Variants in OPRM1 observed in about 807,000 individuals in gnomAD.
The protein encoded by OPRM1 is opioid receptor mu 1.
OPRM1 carries 27 observed loss-of-function variants against 31.8 expected under a neutral mutation model. That is an observed-to-expected ratio of 0.85 (90% CI 0.63 to 1.17). The LOEUF is 1.17. Ranked by LOEUF, OPRM1 falls within the 50% of genes most tolerant of loss-of-function variation. The pLI, the probability that OPRM1 is intolerant of heterozygous loss-of-function variation, is 0.00. For missense variants in OPRM1, 536 were observed against 511.1 expected (o/e 1.05, Z -0.47); for synonymous variants, 196 against 189.9 (o/e 1.03, Z -0.26).
At chr6:154,135,724 C>T (rs750269918), downstream of OPRM1, among the ~76,000 whole-genome samples, 24 of 152,186 alleles carry the variant, frequency 1.6e-4, no homozygotes, top group Non-Finnish European at 2.9e-4. Context: ...CATATAGAAC[C>T]TCTTGGCCTT....
chr6:154,156,306 G>C (rs1446600896), intron 3 of OPRM1: 1 of 152,274 alleles, frequency 6.6e-6, no homozygotes, highest in Admixed American at 6.5e-5. Context: ...CCAGCCGTAT[G>C]CTAAGCCCAG....
intron 3 of OPRM1, among the ~76,000 whole-genome samples, chr6:154,239,735 G>A (rs981268742): frequency 7.9e-5 from 12 of 152,040 alleles, no homozygotes; most frequent in Non-Finnish European, 1.5e-4. Flanking sequence ...ACGCAGTCTC[G>A]CTCTGTCACC....
upstream of OPRM1, among the ~76,000 whole-genome samples, chr6:154,034,337 G>T (rs1009921523): frequency 4.6e-5 from 7 of 152,318 alleles, no homozygotes; most frequent in African/African-American, 1.7e-4. Flanking sequence ...GAGGTCAGGA[G>T]ATCGAGACCA....
intron 3 of OPRM1, among the ~76,000 whole-genome samples, chr6:154,198,980 T>G (rs113191641): frequency 6.6e-6 from 1 of 152,180 alleles, no homozygotes; most frequent in African/African-American, 2.4e-5. Context: ...ACGTCACGAT[T>G]GAACAGTAAT....
At chr6:154,019,412 G>A (rs1778210265) in intron 1 of OPRM1, among the ~76,000 whole-genome samples, 1 of 151,772 alleles carries the variant, frequency 6.6e-6, no homozygotes, top group Non-Finnish European at 1.5e-5. Flanking sequence ...ATCACCCAAA[G>A]TCCATAGTTT....
chr6:154,237,272 T>A (rs562351033), intron 3 of OPRM1, among the ~76,000 whole-genome samples: 6 of 152,356 alleles, frequency 3.9e-5, no homozygotes, highest in Non-Finnish European at 7.3e-5. Flanking sequence ...CATTAACTCA[T>A]GTGTTAACTG....
chr6:154,032,506 C>G (rs80219442), intron 1 of OPRM1, among the ~76,000 whole-genome samples: 4,394 of 152,242 alleles, frequency 0.029, 202 homozygotes, highest in African/African-American at 0.1. Flanking sequence ...CACAATCATA[C>G]CTTACTGAAG....
intron 3 of OPRM1, chr6:154,094,099 A>G (rs1792919039): frequency 3.7e-6 from 2 of 546,206 alleles, no homozygotes; most frequent in Non-Finnish European, 6.2e-6. Flanking sequence ...TGAAGTTTAT[A>G]TTGGTTGTGG....
chr6:154,182,565 A>G (rs1005691696), intron 3 of OPRM1, among the ~76,000 whole-genome samples: 23 of 152,314 alleles, frequency 1.5e-4, no homozygotes, highest in Admixed American at 1.2e-3. Flanking sequence ...TAAAATTACT[A>G]TGTTTCCTCA....
chr6:154,019,155 A>G (rs1289520953), intron 1 of OPRM1, among the ~76,000 whole-genome samples: 1 of 147,334 alleles, frequency 6.8e-6, no homozygotes, highest in Non-Finnish European at 1.5e-5. Context: ...CACTTAAATT[A>G]TGATTGACTG....
intron 1 of OPRM1, among the ~76,000 whole-genome samples, chr6:154,029,056 A>G (rs1778862359): frequency 1.3e-5 from 2 of 152,136 alleles, no homozygotes; most frequent in Non-Finnish European, 2.9e-5. Context: ...CCAGAAATCC[A>G]ATATTATTAT....
intron 1 of OPRM1, among the ~76,000 whole-genome samples, chr6:154,027,325 A>T (rs1181093522): frequency 6.7e-6 from 1 of 149,116 alleles, no homozygotes; most frequent in African/African-American, 2.5e-5. Context: ...TCTCCAAAAC[A>T]AATGGAGCCT....
intron 1 of OPRM1, among the ~76,000 whole-genome samples, chr6:154,020,526 C>A (rs1401898304): frequency 6.6e-6 from 1 of 152,182 alleles, no homozygotes; most frequent in Non-Finnish European, 1.5e-5. Context: ...CATTTACTTA[C>A]ATTTGTAAAG....
chr6:154,013,034 T>TGGGG (rs546381876), intron 1 of OPRM1, among the ~76,000 whole-genome samples: 11 of 152,104 alleles, frequency 7.2e-5, no homozygotes, highest in African/African-American at 2.7e-4. Context: ...TTGGCAGGGC[T>TGGGG]GGGGGGGTAC....
chr6:154,068,385 C>T (rs1002031033), intron 1 of OPRM1, among the ~76,000 whole-genome samples: 2 of 152,082 alleles, frequency 1.3e-5, no homozygotes, highest in African/African-American at 4.8e-5. Context: ...CCTAACCACC[C>T]CAGCCTCCAT....
In OPRM1 at chr6:154,126,025, A is replaced by C. The variant is rs1797569265; in HGVS notation, c.*7304A>C. Among the ~76,000 whole-genome samples, 1 of 5,700 alleles carries C rather than the reference A, an allele frequency of 1.8e-4. No individual in the cohort carries two copies. Among genetic ancestry groups the C allele is most frequent in the African/African-American group, 2.3e-4 (1 of 4,268 alleles). The allele number at this position is 5,700 out of a possible 152,430, so 3.7% of individuals were successfully genotyped here. The stretch of plus-strand genomic sequence containing the variant: ...CACCGTTTTAGCCGGGATGATCTCG[A>C]TCTCCTGACCTCGTGATCCGCCCGC... On this transcript the variant is annotated 3_prime_UTR_variant, in exon 4 of 4. Transcript: ENST00000330432.
At position 154,130,662 on chromosome 6, in the gene OPRM1, C is replaced by A. The variant is rs1797845613; in HGVS notation, c.*11941C>A. ...TTCCCTTTATATACTAATTGTATAT[C>A]CATATAAAAGCATTAGTACCATTAT... On this transcript the variant is annotated 3_prime_UTR_variant, in exon 4 of 4. Coordinates refer to ENST00000330432, the MANE Select transcript of OPRM1 (RefSeq NM_000914.5). Among the ~76,000 whole-genome samples, 1 of 151,614 alleles carries A rather than the reference C, an allele frequency of 6.6e-6. No homozygotes were observed. The highest frequency in any genetic ancestry group is 2.1e-4 in the South Asian group (1 of 4,792).
At chr6:154,066,313 C>T (rs1785390123) in intron 1 of OPRM1, among the ~76,000 whole-genome samples, 1 of 151,848 alleles carries the variant, frequency 6.6e-6, no homozygotes, top group East Asian at 1.9e-4. Flanking sequence ...CTCTCCTCTT[C>T]GTTATATTGA....
chr6:154,057,930 G>A (rs1436990521), intron 1 of OPRM1, among the ~76,000 whole-genome samples: 3 of 152,198 alleles, frequency 2.0e-5, no homozygotes, highest in African/African-American at 7.2e-5. Flanking sequence ...TATTTAAGAT[G>A]TAACTATCAA....
Sources: gnomAD v4.1 joint callset for allele counts (sites outside exome capture counted in the v4.1 genomes callset) on GRCh38, gnomAD v4.1.1 for gene constraint, MANE v1.5 for transcripts, NCBI Gene and HGNC (gene_info 2026-07-23, HGNC 2026-07-21) for gene names.